The following LPAR3 variants were observed in gnomAD, a reference collection of about 807,000 sequenced individuals.
LPAR3 encodes the protein lysophosphatidic acid receptor 3, also known as LPA receptor 3.
A neutral mutation model predicts 17.8 loss-of-function variants in LPAR3; 7 were observed. That is an observed-to-expected ratio of 0.39 (90% confidence interval 0.22 to 0.74). The LOEUF (loss-of-function observed/expected upper bound fraction) is 0.74. Among genes scored for constraint, LPAR3 ranks in the 30% least tolerant of loss-of-function variants. The probability of loss-of-function intolerance (pLI) is 0.40; values close to 1 mark genes in which losing one functional copy is unlikely to be tolerated. For missense variants in LPAR3, 391 were observed against 453.4 expected, an observed-to-expected ratio of 0.86 and a Z score of 1.25; for synonymous variants, 179 against 179.9, an observed-to-expected ratio of 0.99 and a Z score of 0.04.
At chr1:84,856,594 C>T (rs1196029609) in intron 2 of LPAR3, among the ~76,000 whole-genome samples, 1 of 151,808 alleles carries the variant, frequency 6.6e-6, no homozygotes, top group Non-Finnish European at 1.5e-5. Context: ...GACAGTTCAT[C>T]GATGAAGCTT....
chr1:84,824,299 G>T (rs757130654), intron 2 of LPAR3, among the ~76,000 whole-genome samples: 3 of 152,084 alleles, frequency 2.0e-5, no homozygotes, highest in Non-Finnish European at 4.4e-5. Flanking sequence ...ACTATAGCAT[G>T]GTACAGTTCA....
chr1:84,825,453 C>T (rs754525127), intron 2 of LPAR3, among the ~76,000 whole-genome samples: 4 of 152,158 alleles, frequency 2.6e-5, no homozygotes, highest in Non-Finnish European at 5.9e-5. Context: ...GGCACGCTGC[C>T]TAACTGTCTT....
Position 84,876,875 on chromosome 1 carries a change from G to A in LPAR3, c.-18-10737C>T, listed in dbSNP as rs546630450. ...ATCACATTCCCAAGGGCATGGACCA[G>A]TAGCACAATTCTTTTGATGTCCTCA... On this transcript the variant is annotated intron_variant, in intron 1 of 2. Coordinates refer to ENST00000370611, the MANE Select transcript of LPAR3 (RefSeq NM_012152.3). 3.9e-5 allele frequency among the ~76,000 whole-genome samples: 6 copies of A among 152,326 alleles called. No individual in the cohort carries two copies. In the East Asian group the frequency reaches 1.2e-3, roughly 29 times the overall value.
At chr1:84,814,257 G>A in intron 2 of LPAR3, 86 bp from the exon 3 acceptor site, 1 of 1,054,562 alleles carries the variant, frequency 9.5e-7, no homozygotes, top group Non-Finnish European at 1.4e-6. Context: ...TTAGCCAGTG[G>A]CATCAAGGGG....
chr1:84,847,639 T>C (rs955172013), intron 2 of LPAR3, among the ~76,000 whole-genome samples: 1 of 152,202 alleles, frequency 6.6e-6, no homozygotes, highest in Non-Finnish European at 1.5e-5. Context: ...TTTTATATCC[T>C]AGCTCCACTA....
intron 1 of LPAR3, among the ~76,000 whole-genome samples, chr1:84,876,220 G>A (rs17116888): frequency 0.034 from 5,241 of 152,108 alleles, 258 homozygotes; most frequent in African/African-American, 0.11. Flanking sequence ...CTCCTACCCC[G>A]TGTTCTGTCT....
At chr1:84,883,950 T>C (rs946434213) in intron 1 of LPAR3, among the ~76,000 whole-genome samples, 3 of 152,258 alleles carry the variant, frequency 2.0e-5, no homozygotes, top group Admixed American at 2.0e-4. Context: ...TTAGAAATAA[T>C]AGTTTCTTTT....
intron 2 of LPAR3, among the ~76,000 whole-genome samples, chr1:84,849,029 C>T (rs955277608): frequency 6.6e-6 from 1 of 152,164 alleles, no homozygotes; most frequent in African/African-American, 2.4e-5. Flanking sequence ...GAGCTTGGAA[C>T]ATATCCTGGG....
At chr1:84,842,409 C>G (rs1006275278) in intron 2 of LPAR3, among the ~76,000 whole-genome samples, 3 of 152,192 alleles carry the variant, frequency 2.0e-5, no homozygotes, top group Non-Finnish European at 4.4e-5. Context: ...GGGTTTGAAA[C>G]AAACCTATAA....
At chr1:84,881,095 A>G (rs184357019) in intron 1 of LPAR3, among the ~76,000 whole-genome samples, 1 of 152,218 alleles carries the variant, frequency 6.6e-6, no homozygotes, top group East Asian at 1.9e-4. Flanking sequence ...CAAAGAACAG[A>G]AAGGACATTT....
chr1:84,821,665 T>C (rs1356134013), intron 2 of LPAR3, among the ~76,000 whole-genome samples: 3 of 152,184 alleles, frequency 2.0e-5, no homozygotes, highest in Non-Finnish European at 4.4e-5. Context: ...ATTTGAGTAC[T>C]GCTGGCCTGC....
intron 2 of LPAR3, among the ~76,000 whole-genome samples, chr1:84,821,719 T>G (rs1470961193): frequency 6.6e-6 from 1 of 152,120 alleles, no homozygotes; most frequent in Non-Finnish European, 1.5e-5. Context: ...CAGGTGAAAC[T>G]ATCAGGATCT....
chr1:84,834,946 T>G (rs1485090465), intron 2 of LPAR3, among the ~76,000 whole-genome samples: 1 of 152,226 alleles, frequency 6.6e-6, no homozygotes, highest in Non-Finnish European at 1.5e-5. Context: ...AAAAGTCTTT[T>G]GACAATGAGT....
At chr1:84,832,291 AATC>A (rs1187996737) in intron 2 of LPAR3, among the ~76,000 whole-genome samples, 20 of 152,318 alleles carry the variant, frequency 1.3e-4, no homozygotes, top group African/African-American at 4.8e-4. Context: ...TTCTTCCTAC[AATC>A]ATCAACTCAT....
At chr1:84,884,706 C>T (rs1456372353) in intron 1 of LPAR3, among the ~76,000 whole-genome samples, 1 of 152,138 alleles carries the variant, frequency 6.6e-6, no homozygotes, top group African/African-American at 2.4e-5. Flanking sequence ...CTGAAATAGG[C>T]CACAGACCTC....
At chr1:84,816,709 G>C (rs1384386375) in intron 2 of LPAR3, among the ~76,000 whole-genome samples, 1 of 152,150 alleles carries the variant, frequency 6.6e-6, no homozygotes, top group African/African-American at 2.4e-5. Flanking sequence ...GAGGCAGGAG[G>C]ATTGTTTGAA....
intron 2 of LPAR3, among the ~76,000 whole-genome samples, chr1:84,815,255 C>T (rs902892014): frequency 1.3e-5 from 2 of 152,210 alleles, no homozygotes; most frequent in African/African-American, 2.4e-5. Flanking sequence ...ATATGACCCG[C>T]CTCTGTAGTA....
At chr1:84,869,089 A>T (rs1441546796) in intron 1 of LPAR3, among the ~76,000 whole-genome samples, 1 of 152,250 alleles carries the variant, frequency 6.6e-6, no homozygotes, top group East Asian at 1.9e-4. Context: ...TGGAATTAAG[A>T]CACTACAAAA....
rs189932468 is a variant in LPAR3, at chr1:84,827,196, G to A, written c.737-13025C>T. Among the ~76,000 whole-genome samples the A allele has an allele frequency of 5.6e-4, 85 of 152,236 alleles. No homozygotes were observed. In the East Asian group the frequency reaches 0.015, roughly 27 times the overall value. ...TTATTGCAGTATTAATTTAAAATTT[G>A]TTCTATTAGTTGTATATTAAATCAC... On this transcript the variant is annotated intron_variant, in intron 2 of 2. Coordinates refer to ENST00000370611, the MANE Select transcript of LPAR3 (RefSeq NM_012152.3).
Sources: allele counts gnomAD v4.1 joint callset (sites outside exome capture counted in the v4.1 genomes callset), GRCh38; gene constraint gnomAD v4.1.1; transcripts MANE v1.5; gene names NCBI Gene and HGNC (gene_info 2026-07-23, HGNC 2026-07-21).